Variants in KRAS observed in about 807,000 individuals in gnomAD.
The protein encoded by KRAS is KRas proto-oncogene, GTPase, also known as GTPase KRas.
A neutral mutation model predicts 21.0 loss-of-function variants in KRAS; 1 was observed. That is an observed-to-expected ratio of 0.05 (90% CI 0.02 to 0.23). The LOEUF is 0.23. KRAS is among the 10% of genes least tolerant of loss of function. The pLI, the probability that KRAS is intolerant of heterozygous loss-of-function variation, is 1.00. For missense variants in KRAS, 107 were observed against 221.8 expected (o/e 0.48, Z 3.29); for synonymous variants, 67 against 72.5 (o/e 0.92, Z 0.39).
Position 25,205,671 on chromosome 12 carries a change from A to G in KRAS, c.*4124T>C, listed in dbSNP as rs1381262819. ...ACTTTCGGATAAAACACTGTAACCCAGTTAGCTCTGTGGGGGTGTGGGGGG... is the reference window on the plus strand; with the variant it reads ...ACTTTCGGATAAAACACTGTAACCCGGTTAGCTCTGTGGGGGTGTGGGGGG... On this transcript the variant is annotated 3_prime_UTR_variant, in exon 5 of 5. Transcript: ENST00000311936. 1 of 225,000 alleles carries G rather than the reference A, an allele frequency of 4.4e-6. No homozygotes were observed. Among genetic ancestry groups the G allele is most frequent in the Non-Finnish European group, 8.9e-6 (1 of 112,922 alleles). 13.9% of individuals were successfully genotyped at this position (225,000 alleles called of 1,614,324 possible).
intron 2 of KRAS, among the ~76,000 whole-genome samples, chr12:25,233,148 T>C (rs1165248634): frequency 2.0e-5 from 3 of 152,146 alleles, no homozygotes; most frequent in Admixed American, 2.0e-4. Context: ...CCCTAGTCCA[T>C]GATAACTATT....
At chr12:25,226,946 G>A (rs1451612229) in intron 3 of KRAS, among the ~76,000 whole-genome samples, 1 of 151,898 alleles carries the variant, frequency 6.6e-6, no homozygotes, top group East Asian at 1.9e-4. Context: ...TATCTAAAAA[G>A]TTTAAAGTCT....
In KRAS at chr12:25,209,387, C is replaced by A. The variant is rs2141481002; in HGVS notation, c.*408G>T. ...TTTCAGTAAAAACCAATTAGAAGGT[C>A]TCAACTGAAATTAGTAATTAATCCA... On this transcript the variant is annotated 3_prime_UTR_variant, in exon 5 of 5. Transcript: ENST00000311936. 1 of 744,914 alleles carries A rather than the reference C, an allele frequency of 1.3e-6. No homozygotes were observed. The highest frequency in any genetic ancestry group is 3.0e-5 in the East Asian group (1 of 33,570). 46.1% of individuals were successfully genotyped at this position (744,914 alleles called of 1,614,324 possible).
rs574133962 is a variant in KRAS, at chr12:25,249,746, T to C, written c.-12+1005A>G. ...TGAGATGTAGAACACATCTGCAAAA[T>C]GAGGGTAGTATAAAAGAGACGAGGG... is the stretch of plus-strand genomic sequence containing the variant. On this transcript the variant is annotated intron_variant, in intron 1 of 4. Transcript: ENST00000311936. 3.3e-3 allele frequency among the ~76,000 whole-genome samples: 503 copies of C among 152,026 alleles called. 2 individuals carry two copies. The highest frequency in any genetic ancestry group is 6.3e-3 in the Non-Finnish European group (431 of 67,964).
chr12:25,250,243 A>G (rs1951746879), intron 1 of KRAS, among the ~76,000 whole-genome samples: 1 of 152,124 alleles, frequency 6.6e-6, no homozygotes, highest in African/African-American at 2.4e-5. Flanking sequence ...CGCTCGAGGG[A>G]GAAGTTTATA....
chr12:25,238,850 C>G (rs936353418), intron 2 of KRAS, among the ~76,000 whole-genome samples: 10 of 152,262 alleles, frequency 6.6e-5, no homozygotes, highest in Non-Finnish European at 1.2e-4. Context: ...TCATAAACAA[C>G]ACTGCAGTAA....
intron 2 of KRAS, among the ~76,000 whole-genome samples, chr12:25,230,474 C>G (rs1951451945): frequency 1.3e-5 from 2 of 152,026 alleles, no homozygotes; most frequent in Admixed American, 6.6e-5. Flanking sequence ...ACTAAACATA[C>G]AAAATTACCT....
intron 3 of KRAS, 120 bp from the exon 4 acceptor site, chr12:25,225,893 C>A (rs1951386508): frequency 2.3e-6 from 2 of 882,048 alleles, no homozygotes; most frequent in African/African-American, 1.7e-5. Flanking sequence ...CTAGTTTCCA[C>A]TACACCAAAT....
chr12:25,233,843 TA>T, intron 2 of KRAS: 1 of 195,674 alleles, frequency 5.1e-6, no homozygotes. Context: ...ATGCAGATAC[TA>T]AAAAATGAAT....
chr12:25,211,505 G>A (rs367708773), intron 4 of KRAS, among the ~76,000 whole-genome samples: 2 of 152,062 alleles, frequency 1.3e-5, no homozygotes, highest in Admixed American at 1.3e-4. Context: ...ACCCGGAGAG[G>A]CGAAGTGCAT....
At chr12:25,227,912 G>A (rs558049374) in intron 2 of KRAS, among the ~76,000 whole-genome samples, 42 of 152,160 alleles carry the variant, frequency 2.8e-4, no homozygotes, top group African/African-American at 8.9e-4. Flanking sequence ...GTTCGCAGCA[G>A]CACTATTTAT....
At chr12:25,235,488 G>A (rs571893768) in intron 2 of KRAS, among the ~76,000 whole-genome samples, 25 of 152,190 alleles carry the variant, frequency 1.6e-4, no homozygotes, top group South Asian at 8.3e-4. Flanking sequence ...TGAAAATCTA[G>A]GTGTCACATT....
At position 25,229,503 on chromosome 12, in the gene KRAS, A is replaced by G. The variant is rs76434702; in HGVS notation, c.112-2091T>C. Among the ~76,000 whole-genome samples, 185 of 152,332 alleles carry G rather than the reference A, an allele frequency of 1.2e-3. 1 individual carries two copies. The East Asian group carries it at 0.021, about 17-fold the overall frequency. On this transcript the variant is annotated intron_variant, in intron 2 of 4. Transcript: ENST00000311936. ...TCTAAAAAGAGAGAGAACTGCAACT[A>G]TAAGATTAAGTAAAAGAAGGGAGTG...
At chr12:25,240,601 G>A (rs1951598807) in intron 2 of KRAS, among the ~76,000 whole-genome samples, 1 of 152,198 alleles carries the variant, frequency 6.6e-6, no homozygotes, top group Non-Finnish European at 1.5e-5. Flanking sequence ...TAGCCCACAG[G>A]AAGACTGCAT....
chr12:25,223,658 A>G (rs1204300571), intron 4 of KRAS, among the ~76,000 whole-genome samples: 1 of 152,218 alleles, frequency 6.6e-6, no homozygotes, highest in Admixed American at 6.5e-5. Flanking sequence ...TATAACTAGG[A>G]AGAGGTACAT....
rs1202693850 is a variant in KRAS, at chr12:25,206,393, TA to T, written c.*3401del. 6.3e-5 allele frequency: 13 copies of T among 206,246 alleles called. No individual in the cohort carries two copies. In the East Asian group the frequency reaches 7.6e-4, roughly 12 times the overall value. 12.8% of individuals were successfully genotyped at this position (206,246 alleles called of 1,614,324 possible). ...TAAGTCTATGTAATTTAGCTTTTTT[TA>T]AAAAAACTTCAACAAGGATTTTTGT... On this transcript the variant is annotated 3_prime_UTR_variant, in exon 5 of 5. Transcript: ENST00000311936.
rs192382438 is a variant in KRAS, at chr12:25,221,257, G to A, written c.450+4357C>T. Among the ~76,000 whole-genome samples, 79 of 145,412 alleles carry A rather than the reference G, an allele frequency of 5.4e-4. 1 individual carries two copies. The highest frequency in any genetic ancestry group is 8.1e-4 in the Non-Finnish European group (54 of 66,878). On this transcript the variant is annotated intron_variant, in intron 4 of 4. Transcript: ENST00000311936. Reference sequence around the variant, plus strand: ...GCCTTTTTTTTTTTTTTTTGAGACAGAGTCTCGCTCGGTCGTCCAGGCTGG... The same window carrying A: ...GCCTTTTTTTTTTTTTTTTGAGACAAAGTCTCGCTCGGTCGTCCAGGCTGG...
rs374256041 is a variant in KRAS, at chr12:25,207,589, A to C, written c.*2206T>G. 1 of 229,180 alleles carries C rather than the reference A, an allele frequency of 4.4e-6. No individual in the cohort carries two copies. Among genetic ancestry groups the C allele is most frequent in the Non-Finnish European group, 8.6e-6 (1 of 115,686 alleles). The allele number at this position is 229,180 out of a possible 1,614,324, so 14.2% of individuals were successfully genotyped here. On this transcript the variant is annotated 3_prime_UTR_variant, in exon 5 of 5. Transcript: ENST00000311936. ...AGATTTCTGGTTACTAAAACAATGG[A>C]ATGTATTACTGTTACCAGGAGTAGT... is the stretch of plus-strand genomic sequence containing the variant.
At chr12:25,250,431 T>TC (rs1951750784) in intron 1 of KRAS, among the ~76,000 whole-genome samples, 1 of 150,802 alleles carries the variant, frequency 6.6e-6, no homozygotes, top group African/African-American at 2.4e-5. Flanking sequence ...CCCGAGTTTC[T>TC]CCCCAGAAGC....
Sources: gnomAD v4.1 joint callset for allele counts (sites outside exome capture counted in the v4.1 genomes callset) on GRCh38, gnomAD v4.1.1 for gene constraint, MANE v1.5 for transcripts, NCBI Gene and HGNC (gene_info 2026-07-23, HGNC 2026-07-21) for gene names.